Variants in FRY observed in about 807,000 individuals in gnomAD.
The protein encoded by FRY is protein furry homolog.
FRY carries 128 observed loss-of-function variants against 348.4 expected under a neutral mutation model. That is an observed-to-expected ratio of 0.37 (90% CI 0.32 to 0.43). The LOEUF (loss-of-function observed/expected upper bound fraction) is 0.43, where lower values mean the gene tolerates loss of function less well. FRY is among the 20% of genes least tolerant of loss of function. The pLI is 1.00. For missense variants in FRY, 2,736 were observed against 3,695.2 expected (o/e 0.74, Z 6.73); for synonymous variants, 1,370 against 1,374.7 (o/e 1.00, Z 0.08).
At chr13:32,281,363 C>G (rs1451812304) in intron 58 of FRY, among the ~76,000 whole-genome samples, 1 of 152,166 alleles carries the variant, frequency 6.6e-6, no homozygotes, top group African/African-American at 2.4e-5. Context: ...CTTTCTCTAG[C>G]TTAATTTTGG....
chr13:32,136,398 T>C (rs1314488963), intron 10 of FRY, among the ~76,000 whole-genome samples: 1 of 152,198 alleles, frequency 6.6e-6, no homozygotes, highest in Non-Finnish European at 1.5e-5. Context: ...CTTCCTTAAT[T>C]ACCAGAAGGT....
At chr13:32,166,268 C>G (rs534576929) in intron 17 of FRY, among the ~76,000 whole-genome samples, 2 of 152,328 alleles carry the variant, frequency 1.3e-5, no homozygotes, top group African/African-American at 4.8e-5. Flanking sequence ...ATTGTTGCCA[C>G]CAAACTCTCT....
At chr13:32,265,133 G>T (rs1288938892) in intron 53 of FRY, among the ~76,000 whole-genome samples, 1 of 152,160 alleles carries the variant, frequency 6.6e-6, no homozygotes, top group Non-Finnish European at 1.5e-5. Context: ...AAATGTGGAG[G>T]TTGGATTGGA....
At chr13:32,175,467 CAT>C in intron 19 of FRY, 77 bp from the exon 20 acceptor site, 1 of 863,526 alleles carries the variant, frequency 1.2e-6, no homozygotes, top group East Asian at 2.4e-5. Flanking sequence ...TGTTCTGCTT[CAT>C]GTATCAGACG....
intron 11 of FRY, among the ~76,000 whole-genome samples, chr13:32,142,019 G>T (rs7330812): frequency 0.2 from 31,062 of 151,792 alleles, 3,540 homozygotes; most frequent in African/African-American, 0.3. Context: ...GGTTTTTTTT[G>T]ATCTTGAAGC....
At chr13:32,082,988 A>T (rs1033708591) in intron 2 of FRY, among the ~76,000 whole-genome samples, 1 of 152,076 alleles carries the variant, frequency 6.6e-6, no homozygotes, top group Non-Finnish European at 1.5e-5. Context: ...TCTTTTCATC[A>T]ATTCTGGAAA....
intron 1 of FRY, among the ~76,000 whole-genome samples, chr13:32,046,426 A>G (rs1172963434): frequency 1.3e-5 from 2 of 152,202 alleles, no homozygotes; most frequent in Non-Finnish European, 2.9e-5. Context: ...GGGGCTGGCA[A>G]AGTTATGTGA....
chr13:32,119,099 T>C (rs1011044135), intron 4 of FRY, among the ~76,000 whole-genome samples: 1 of 152,210 alleles, frequency 6.6e-6, no homozygotes, highest in Non-Finnish European at 1.5e-5. Flanking sequence ...TGAGATCAGA[T>C]AAAGAATCAG....
chr13:32,119,890 A>G (rs536341508), intron 4 of FRY, among the ~76,000 whole-genome samples: 1 of 152,226 alleles, frequency 6.6e-6, no homozygotes, highest in Non-Finnish European at 1.5e-5. Context: ...ACTCCTTGAA[A>G]GATAAACATG....
chr13:32,191,749 A>G (rs1228758018), intron 28 of FRY, among the ~76,000 whole-genome samples: 1 of 152,156 alleles, frequency 6.6e-6, no homozygotes, highest in Non-Finnish European at 1.5e-5. Flanking sequence ...ATAAGAGACA[A>G]GGGAACTCTC....
At chr13:32,191,423 C>T (rs1490404035) in intron 28 of FRY, among the ~76,000 whole-genome samples, 1 of 151,846 alleles carries the variant, frequency 6.6e-6, no homozygotes, top group Non-Finnish European at 1.5e-5. Context: ...ATAAAGGACC[C>T]CTACAAATAA....
intron 7 of FRY, among the ~76,000 whole-genome samples, chr13:32,129,145 C>A (rs1288099976): frequency 6.6e-6 from 1 of 152,326 alleles, no homozygotes; most frequent in East Asian, 1.9e-4. Context: ...TACAGAGACA[C>A]ACACAGAGAT....
intron 15 of FRY, among the ~76,000 whole-genome samples, chr13:32,156,505 G>A (rs2427866): frequency 0.69 from 103,937 of 150,680 alleles, 36,244 homozygotes; most frequent in East Asian, 0.98. Context: ...GGAGGCTAAG[G>A]CAGGAAAATC....
At chr13:32,099,700 T>C (rs438998) in intron 2 of FRY, among the ~76,000 whole-genome samples, 97,337 of 151,776 alleles carry the variant, frequency 0.64, 31,681 homozygotes, top group Middle Eastern at 0.69. Flanking sequence ...CAGAAAACTA[T>C]TCATGATGAA....
intron 51 of FRY, among the ~76,000 whole-genome samples, chr13:32,260,351 G>T (rs1231632691): frequency 6.6e-6 from 1 of 151,948 alleles, no homozygotes; most frequent in Admixed American, 6.6e-5. Context: ...ATTTGTTTAG[G>T]TTAAAATTTG....
At chr13:32,282,132 AT>A (rs1294813454) in intron 58 of FRY, among the ~76,000 whole-genome samples, 1 of 152,188 alleles carries the variant, frequency 6.6e-6, no homozygotes, top group Non-Finnish European at 1.5e-5. Context: ...TGGAGATATA[AT>A]TTTGCTGACT....
chr13:32,078,486 C>T (rs1468998391), intron 1 of FRY, among the ~76,000 whole-genome samples: 1 of 152,118 alleles, frequency 6.6e-6, no homozygotes, highest in African/African-American at 2.4e-5. Flanking sequence ...TATATGTTTT[C>T]TACCCATTTT....
At chr13:32,120,915 C>T (rs1340088910) in intron 4 of FRY, among the ~76,000 whole-genome samples, 4 of 152,354 alleles carry the variant, frequency 2.6e-5, no homozygotes, top group East Asian at 1.9e-4. Flanking sequence ...CCACCTTGGC[C>T]TCCCAAAGTG....
intron 39 of FRY, among the ~76,000 whole-genome samples, chr13:32,228,056 A>C (rs1885691649): frequency 6.6e-6 from 1 of 152,164 alleles, no homozygotes; most frequent in South Asian, 2.1e-4. Flanking sequence ...AGCCCGTTTC[A>C]CATGTTTAAG....
Sources: gnomAD v4.1 joint callset for allele counts (sites outside exome capture counted in the v4.1 genomes callset) on GRCh38, gnomAD v4.1.1 for gene constraint, MANE v1.5 for transcripts, NCBI Gene and HGNC (gene_info 2026-07-23, HGNC 2026-07-21) for gene names.